SLC3A1: variants seen among roughly 807,000 people sequenced by gnomAD.
SLC3A1 encodes solute carrier family 3 member 1.
A neutral mutation model predicts 60.3 loss-of-function variants in SLC3A1; 78 were observed. The ratio of observed to expected loss-of-function variants is 1.29; its 90% CI spans 1.08 to 1.56. The LOEUF is 1.56. SLC3A1 is among the 40% of genes most tolerant of loss of function. The probability of loss-of-function intolerance (pLI) is 0.00; values close to 1 mark genes in which losing one functional copy is unlikely to be tolerated. For synonymous variants in SLC3A1, 392 were observed against 307.9 expected (o/e 1.27, Z -2.86); for missense variants, 1,172 against 858.9 (o/e 1.36, Z -4.56).
Position 44,299,955 on chromosome 2 carries a change from G to T in SLC3A1, c.892-16G>T. Reference sequence around the variant, plus strand: ...CGTAGTTAATGTAACCAAGCATTTTGCTTCTTCATCTTTAGGAAATTTTAC... The same window carrying T: ...CGTAGTTAATGTAACCAAGCATTTTTCTTCTTCATCTTTAGGAAATTTTAC... On this transcript the variant is annotated splice_polypyrimidine_tract_variant and intron_variant, in intron 4 of 9. Coordinates refer to ENST00000260649, the MANE Select transcript of SLC3A1 (RefSeq NM_000341.4). 6.2e-7 allele frequency: 1 copy of T among 1,613,658 alleles called. No individual in the cohort carries two copies. The highest frequency in any genetic ancestry group is 8.5e-7 in the Non-Finnish European group (1 of 1,179,676).
In SLC3A1 at chr2:44,285,805, T is replaced by G. The variant is rs1558455506; in HGVS notation, c.766-227T>G. On this transcript the variant is annotated intron_variant, in intron 3 of 9. Transcript: ENST00000260649. Reference sequence around the variant, plus strand: ...AACATTGGTTTGCTGTTGCAGTTGTTACAAACAGCATCTACTGTAAAAATA... The same window carrying G: ...AACATTGGTTTGCTGTTGCAGTTGTGACAAACAGCATCTACTGTAAAAATA... 5 of 672,966 alleles carry G rather than the reference T, an allele frequency of 7.4e-6. No homozygotes were observed. The Admixed American group carries it at 1.1e-4, about 14-fold the overall frequency. 41.7% of individuals were successfully genotyped at this position (672,966 alleles called of 1,614,324 possible). A position where few individuals can be genotyped will look rare whatever the true frequency, so the allele number is the denominator to read the frequency against.
In SLC3A1 at chr2:44,321,169, G is replaced by C. The variant is rs1185094243; in HGVS notation, c.*530G>C. 1 of 579,366 alleles carries C rather than the reference G, an allele frequency of 1.7e-6. No homozygotes were observed. The highest frequency in any genetic ancestry group is 3.1e-6 in the Non-Finnish European group (1 of 322,050). The allele number at this position is 579,366 out of a possible 1,614,324, so 35.9% of individuals were successfully genotyped here. A position where few individuals can be genotyped will look rare whatever the true frequency, so the allele number is the denominator to read the frequency against. The stretch of plus-strand genomic sequence containing the variant: ...TACTTTCCTAGGTTAATGGGCATGT[G>C]CATCAATGGAGAGAATAGTATAAGC... On this transcript the variant is annotated 3_prime_UTR_variant, in exon 10 of 10. Transcript: ENST00000260649.
chr2:44,291,496 C>T (rs941806806), intron 4 of SLC3A1, among the ~76,000 whole-genome samples: 19 of 152,082 alleles, frequency 1.2e-4, no homozygotes, highest in African/African-American at 3.9e-4. Context: ...TTAATGCCTC[C>T]GGTTGAGAGA....
At chr2:44,313,983 T>G in intron 9 of SLC3A1, 32 bp downstream of exon 9, 1 of 1,613,626 alleles carries the variant, frequency 6.2e-7, no homozygotes, top group Non-Finnish European at 8.5e-7. Context: ...ATGTTGATTC[T>G]AGAAACAAAG....
Position 44,316,391 on chromosome 2 carries a change from A to G in SLC3A1, c.1617+2440A>G, listed in dbSNP as rs955446420. Reference sequence around the variant, plus strand: ...GTCAAACAATGAAATAAAATAGAACATAAGTGCTAATTAGTGTGCTGAAAA... The same window carrying G: ...GTCAAACAATGAAATAAAATAGAACGTAAGTGCTAATTAGTGTGCTGAAAA... On this transcript the variant is annotated intron_variant, in intron 9 of 9. Coordinates refer to ENST00000260649, the MANE Select transcript of SLC3A1 (RefSeq NM_000341.4). 9.9e-5 allele frequency: 15 copies of G among 152,226 alleles called. No homozygotes were observed. The East Asian group carries it at 1.3e-3, about 14-fold the overall frequency. 9.4% of individuals were successfully genotyped at this position (152,226 alleles called of 1,614,324 possible).
intron 4 of SLC3A1, among the ~76,000 whole-genome samples, chr2:44,298,590 C>T (rs957342610): frequency 8.5e-5 from 13 of 152,228 alleles, no homozygotes; most frequent in African/African-American, 3.1e-4. Flanking sequence ...GTTGGCCAGG[C>T]TGGTCACAAA....
intron 4 of SLC3A1, among the ~76,000 whole-genome samples, chr2:44,286,618 C>A (rs1457995003): frequency 7.1e-6 from 1 of 141,710 alleles, no homozygotes; most frequent in African/African-American, 2.7e-5. Flanking sequence ...GTGAGCTGTG[C>A]GGTGTCTGTG....
chr2:44,309,753 C>T (rs1204758428), intron 7 of SLC3A1, among the ~76,000 whole-genome samples: 2 of 151,914 alleles, frequency 1.3e-5, no homozygotes, highest in Non-Finnish European at 2.9e-5. Flanking sequence ...CATGTGCCAA[C>T]ATGACTGGCT....
intron 7 of SLC3A1, among the ~76,000 whole-genome samples, chr2:44,307,647 T>C (rs1672191092): frequency 6.6e-6 from 1 of 152,040 alleles, no homozygotes; most frequent in Non-Finnish European, 1.5e-5. Flanking sequence ...CTGCATGTCT[T>C]ATTTGGAGTA....
chr2:44,320,145 TACAA>T (rs770210105), intron 9 of SLC3A1, 50 bp from the exon 10 acceptor site: 30 of 1,458,988 alleles, frequency 2.1e-5, no homozygotes, highest in South Asian at 4.8e-5. Context: ...TAAAAATACT[TACAA>T]ACAATTCTTA....
chr2:44,285,908 T>C, intron 3 of SLC3A1, 124 bp from the exon 4 acceptor site: 2 of 1,277,010 alleles, frequency 1.6e-6, no homozygotes, highest in Non-Finnish European at 2.3e-6. Context: ...CCTGCTGCTC[T>C]CTGTAGAAGG....
chr2:44,312,781 T>C (rs1672331587), intron 8 of SLC3A1, 28 bp downstream of exon 8: 1 of 1,592,320 alleles, frequency 6.3e-7, no homozygotes. Flanking sequence ...TGACTATTCA[T>C]CACAGCTATA....
rs140452488 is a variant in SLC3A1 at position 44,301,003 on chromosome 2, G to C, written c.1012G>C (p.Asp338His). The change falls in exon 6 of 10, where the codon GAC (aspartate) becomes CAC (histidine). Residue 338 changes from aspartate (D) to histidine (H), a missense_variant and splice_region_variant. Asp to His is a moderately conservative substitution (Grantham distance 81). Coordinates refer to ENST00000260649, the MANE Select transcript of SLC3A1 (RefSeq NM_000341.4). ...EIQVNKTQIPDTVTQYSELYH... is the reference protein window; with the variant it reads ...EIQVNKTQIPHTVTQYSELYH... Reference sequence around the variant, plus strand: ...AACCATGTCGTCCTGGTTTTCAAAGGACACGGTCACACAATACTCGGAGCT... The same window carrying C: ...AACCATGTCGTCCTGGTTTTCAAAGCACACGGTCACACAATACTCGGAGCT... 58 of 1,613,816 alleles carry C rather than the reference G, an allele frequency of 3.6e-5. No homozygotes were observed. Among genetic ancestry groups the C allele is most frequent in the Non-Finnish European group, 6.8e-6 (8 of 1,180,042 alleles).
chr2:44,292,229 C>T (rs1342939465), intron 4 of SLC3A1, among the ~76,000 whole-genome samples: 3 of 152,070 alleles, frequency 2.0e-5, no homozygotes, highest in African/African-American at 7.2e-5. Flanking sequence ...TGGGGAGACC[C>T]AGCTGAGAGG....
At chr2:44,300,928 C>A in intron 5 of SLC3A1, 75 bp from the exon 6 acceptor site, 25 of 1,589,058 alleles carry the variant, frequency 1.6e-5, no homozygotes, top group Non-Finnish European at 2.1e-5. Flanking sequence ...AAGAGGTTGT[C>A]TACATTCATA....
intron 9 of SLC3A1, 30 bp from the exon 10 acceptor site, chr2:44,320,169 A>T: frequency 6.5e-7 from 1 of 1,538,014 alleles, no homozygotes; most frequent in Non-Finnish European, 9.0e-7. Flanking sequence ...AGAATCAAAC[A>T]CTTACGTAAA....
At chr2:44,278,302 G>A (rs902508905) in intron 1 of SLC3A1, among the ~76,000 whole-genome samples, 1 of 152,016 alleles carries the variant, frequency 6.6e-6, no homozygotes, top group Non-Finnish European at 1.5e-5. Context: ...AAAAAAATCA[G>A]CTGGGCGTGG....
intron 1 of SLC3A1, 118 bp downstream of exon 1, chr2:44,276,083 G>C: frequency 2.3e-6 from 2 of 865,340 alleles, no homozygotes; most frequent in South Asian, 1.4e-5. Flanking sequence ...ATTATGACTG[G>C]TCATGCCAAG....
intron 3 of SLC3A1, 121 bp from the exon 4 acceptor site, chr2:44,285,911 G>C (rs1275022304): frequency 1.5e-6 from 2 of 1,321,692 alleles, no homozygotes; most frequent in East Asian, 2.3e-5. Flanking sequence ...GCTGCTCTCT[G>C]TAGAAGGAAA....
Sources: allele counts gnomAD v4.1 joint callset (sites outside exome capture counted in the v4.1 genomes callset), GRCh38; gene constraint gnomAD v4.1.1; transcripts MANE v1.5; gene names NCBI Gene and HGNC (gene_info 2026-07-23, HGNC 2026-07-21).